Variants in ROCK1 observed in about 807,000 individuals in gnomAD.
ROCK1 encodes rho-associated protein kinase 1.
ROCK1 carries 36 observed loss-of-function variants against 196.8 expected under a neutral mutation model. The ratio of observed to expected loss-of-function variants is 0.18; its 90% CI spans 0.14 to 0.24. The LOEUF is 0.24. Among genes scored for constraint, ROCK1 ranks in the 10% least tolerant of loss-of-function variants. The pLI, the probability that ROCK1 is intolerant of heterozygous loss-of-function variation, is 1.00. For missense variants in ROCK1, 920 were observed against 1,562.0 expected, an observed-to-expected ratio of 0.59 and a Z score of 6.93; for synonymous variants, 443 against 515.9, an observed-to-expected ratio of 0.86 and a Z score of 1.91.
intron 27 of ROCK1, among the ~76,000 whole-genome samples, chr18:20,964,938 C>T (rs2035358927): frequency 2.6e-5 from 4 of 152,198 alleles, no homozygotes; most frequent in Non-Finnish European, 4.4e-5. Context: ...CACCTTTCAA[C>T]TCAAATCTTC....
chr18:21,026,555 T>C (rs2035958765), intron 10 of ROCK1, among the ~76,000 whole-genome samples: 1 of 151,744 alleles, frequency 6.6e-6, no homozygotes, highest in Non-Finnish European at 1.5e-5. Context: ...TCACAGAGTG[T>C]TAGGGAGGAA....
At chr18:21,027,166 T>C (rs1472742418) in intron 10 of ROCK1, among the ~76,000 whole-genome samples, 1 of 152,152 alleles carries the variant, frequency 6.6e-6, no homozygotes, top group Non-Finnish European at 1.5e-5. Flanking sequence ...CACGAACTCT[T>C]GACCTCAAGT....
chr18:21,085,418 T>C (rs2036518841), intron 1 of ROCK1, among the ~76,000 whole-genome samples: 1 of 151,598 alleles, frequency 6.6e-6, no homozygotes, highest in South Asian at 2.1e-4. Context: ...TAATCTTAAT[T>C]AGAATGCTTC....
intron 18 of ROCK1, among the ~76,000 whole-genome samples, chr18:20,988,818 TA>T (rs1243143220): frequency 2.0e-5 from 3 of 152,188 alleles, no homozygotes; most frequent in African/African-American, 4.8e-5. Context: ...TATGTATTAT[TA>T]TTTTTTTTTG....
At chr18:20,981,795 A>G (rs923752398) in intron 21 of ROCK1, among the ~76,000 whole-genome samples, 3 of 152,264 alleles carry the variant, frequency 2.0e-5, no homozygotes, top group East Asian at 1.9e-4. Flanking sequence ...TTAAGTATTT[A>G]TAATTTCTAA....
chr18:21,086,670 T>C (rs1475405310), intron 1 of ROCK1, among the ~76,000 whole-genome samples: 1 of 151,494 alleles, frequency 6.6e-6, no homozygotes, highest in Admixed American at 6.6e-5. Context: ...AACCTACAGG[T>C]TGAAGGAGCT....
At chr18:20,979,262 A>G (rs1166446756) in intron 22 of ROCK1, among the ~76,000 whole-genome samples, 1 of 152,186 alleles carries the variant, frequency 6.6e-6, no homozygotes, top group Non-Finnish European at 1.5e-5. Flanking sequence ...AAGACCTTAA[A>G]TACCTTTATC....
In ROCK1 at chr18:21,030,471, T is replaced by C. The variant is rs2035996233; in HGVS notation, c.1052-1536A>G. Among the ~76,000 whole-genome samples the C allele has an allele frequency of 1.3e-5, 2 of 152,212 alleles. 1 individual carries two copies. The highest frequency in any genetic ancestry group is 4.1e-4 in the South Asian group (2 of 4,832). On this transcript the variant is annotated intron_variant, in intron 9 of 32. Coordinates refer to ENST00000399799, the MANE Select transcript of ROCK1 (RefSeq NM_005406.3). ...GCTCAGAAAACCTGCTTTAAAATTATATCAGAAAGAGAGAACAGAGTAAGT... is the reference window on the plus strand; with the variant it reads ...GCTCAGAAAACCTGCTTTAAAATTACATCAGAAAGAGAGAACAGAGTAAGT...
At chr18:20,951,628 C>G (rs2035188874) in intron 32 of ROCK1, among the ~76,000 whole-genome samples, 1 of 152,138 alleles carries the variant, frequency 6.6e-6, no homozygotes, top group South Asian at 2.1e-4. Flanking sequence ...AGTTTACAAC[C>G]TATGCTCAGG....
At position 20,959,917 on chromosome 18, in the gene ROCK1, TACC is replaced by T; in HGVS notation, c.3432_3434del (p.Val1145del). 1.9e-6 allele frequency: 3 copies of T among 1,594,396 alleles called. No individual in the cohort carries two copies. The highest frequency in any genetic ancestry group is 2.6e-6 in the Non-Finnish European group (3 of 1,165,050). The stretch of plus-strand genomic sequence containing the variant: ...TATAGAACAAAATTTTTTTGCTGCT[TACC>T]ACAACATACTGAAATAAGAAAAAGG... On this transcript the variant is annotated inframe_deletion, in exon 29 of 33. Transcript: ENST00000399799.
At chr18:21,102,897 C>G (rs1311790683) in intron 1 of ROCK1, among the ~76,000 whole-genome samples, 1 of 151,832 alleles carries the variant, frequency 6.6e-6, no homozygotes, top group Non-Finnish European at 1.5e-5. Context: ...AGACAACAAT[C>G]TGAGAAAATT....
chr18:20,959,140 T>TA (rs2035297170), intron 29 of ROCK1, among the ~76,000 whole-genome samples: 1 of 63,052 alleles, frequency 1.6e-5, no homozygotes, highest in African/African-American at 8.7e-5. Context: ...TTATATATAT[T>TA]ATATAAAATA....
At chr18:20,967,654 C>T in intron 26 of ROCK1, 98 bp downstream of exon 26, 1 of 955,778 alleles carries the variant, frequency 1.0e-6, no homozygotes. Context: ...CTTGATTGTT[C>T]CCAATCTAAA....
chr18:21,049,751 C>A, intron 3 of ROCK1, 29 bp downstream of exon 3: 4 of 1,217,034 alleles, frequency 3.3e-6, no homozygotes, highest in South Asian at 1.3e-5. Context: ...TTAATAAAGT[C>A]CTTTTGTATT....
rs1280707015 is a variant in ROCK1, at chr18:20,951,169, A to G, written c.*215T>C. ...TTTCCCCCAACTGTACTTGCATTAC[A>G]TAGTAATAATTAATCTAATCTACCT... On this transcript the variant is annotated 3_prime_UTR_variant, in exon 33 of 33. Coordinates refer to ENST00000399799, the MANE Select transcript of ROCK1 (RefSeq NM_005406.3). The G allele has an allele frequency of 9.6e-6, 4 of 415,830 alleles. No individual in the cohort carries two copies. Among genetic ancestry groups the G allele is most frequent in the Non-Finnish European group, 1.8e-5 (4 of 226,496 alleles). The allele number at this position is 415,830 out of a possible 1,614,324, so 25.8% of individuals were successfully genotyped here.
intron 9 of ROCK1, among the ~76,000 whole-genome samples, chr18:21,033,880 A>AAC (rs2036032855): frequency 2.1e-5 from 3 of 142,246 alleles, no homozygotes; most frequent in South Asian, 2.2e-4. Flanking sequence ...AAAAAAAAAA[A>AAC]AAAATTAGCC....
chr18:21,027,584 A>T (rs529493544), intron 10 of ROCK1, among the ~76,000 whole-genome samples: 1 of 152,084 alleles, frequency 6.6e-6, no homozygotes, highest in South Asian at 2.1e-4. Flanking sequence ...CTTAAACCTT[A>T]TAACAATCCT....
At position 20,990,419 on chromosome 18, in the gene ROCK1, A is replaced by C. The variant is rs569925971; in HGVS notation, c.2143+757T>G. Among the ~76,000 whole-genome samples the C allele has an allele frequency of 2.6e-5, 4 of 151,918 alleles. No homozygotes were observed. In the South Asian group the frequency reaches 8.3e-4, roughly 32 times the overall value. On this transcript the variant is annotated intron_variant, in intron 18 of 32. Coordinates refer to ENST00000399799, the MANE Select transcript of ROCK1 (RefSeq NM_005406.3). ...GAAGGTGAAATTGTGATCTTAAAAA[A>C]TGGAAAGCATTGCCAGGCATGGTGT...
At chr18:21,076,552 G>A (rs752692565) in intron 1 of ROCK1, among the ~76,000 whole-genome samples, 46 of 152,074 alleles carry the variant, frequency 3.0e-4, no homozygotes, top group Non-Finnish European at 1.2e-4. Context: ...ACGTTTGTGT[G>A]TGTGTACATA....
Sources: allele counts gnomAD v4.1 joint callset (sites outside exome capture counted in the v4.1 genomes callset), GRCh38; gene constraint gnomAD v4.1.1; transcripts MANE v1.5; gene names NCBI Gene and HGNC (gene_info 2026-07-23, HGNC 2026-07-21).